The following GALNTL6 variants were observed in gnomAD, a reference collection of about 807,000 sequenced individuals.
The protein encoded by GALNTL6 is polypeptide N-acetylgalactosaminyltransferase-like 6.
In GALNTL6, 46 loss-of-function variants were observed where a neutral mutation model predicts 73.7. The observed-to-expected ratio is 0.62, with a 90% CI of 0.49 to 0.80. The LOEUF (loss-of-function observed/expected upper bound fraction) is 0.80. Ranked by LOEUF, GALNTL6 falls within the 30% of genes least tolerant of loss-of-function variation. The pLI, the probability that GALNTL6 is intolerant of heterozygous loss-of-function variation, is 0.00. For missense variants in GALNTL6, 604 were observed against 755.0 expected, an observed-to-expected ratio of 0.80 and a Z score of 2.34; for synonymous variants, 259 against 263.7, an observed-to-expected ratio of 0.98 and a Z score of 0.17.
chr4:172,283,469 A>G (rs1190044786), intron 3 of GALNTL6, among the ~76,000 whole-genome samples: 2 of 152,186 alleles, frequency 1.3e-5, no homozygotes, highest in Non-Finnish European at 2.9e-5. Flanking sequence ...TGTTGAGACA[A>G]TAATTGTCTT....
chr4:172,106,835 A>G (rs566620617), intron 2 of GALNTL6, among the ~76,000 whole-genome samples: 156 of 152,236 alleles, frequency 1.0e-3, no homozygotes, highest in Non-Finnish European at 1.8e-3. Flanking sequence ...ATATAAGAAT[A>G]TTATTTTGTT....
intron 7 of GALNTL6, among the ~76,000 whole-genome samples, chr4:172,865,524 A>G (rs889656084): frequency 2.0e-5 from 3 of 152,252 alleles, no homozygotes; most frequent in East Asian, 1.9e-4. Flanking sequence ...TTTTATAGTA[A>G]TCAGATAATA....
At chr4:172,408,299 CTTAAT>C (rs1424754288) in intron 5 of GALNTL6, among the ~76,000 whole-genome samples, 1 of 151,932 alleles carries the variant, frequency 6.6e-6, no homozygotes, top group Non-Finnish European at 1.5e-5. Flanking sequence ...TGATTGTATG[CTTAAT>C]TTGTTATTTT....
intron 2 of GALNTL6, among the ~76,000 whole-genome samples, chr4:171,913,574 A>C (rs1198865781): frequency 2.0e-5 from 3 of 152,330 alleles, no homozygotes; most frequent in African/African-American, 7.2e-5. Flanking sequence ...ACCATTTTTC[A>C]TATAAATCTA....
At chr4:172,516,037 A>T (rs1278560824) in intron 5 of GALNTL6, among the ~76,000 whole-genome samples, 4 of 152,210 alleles carry the variant, frequency 2.6e-5, no homozygotes, top group African/African-American at 9.7e-5. Flanking sequence ...TGATAAATTC[A>T]TGAGGACAAA....
intron 2 of GALNTL6, among the ~76,000 whole-genome samples, chr4:172,128,313 C>G (rs980769170): frequency 6.6e-6 from 1 of 151,832 alleles, no homozygotes; most frequent in Non-Finnish European, 1.5e-5. Flanking sequence ...GTATAGGATC[C>G]CTTAAGGAGT....
At chr4:171,832,277 C>A (rs1460413307) in intron 2 of GALNTL6, among the ~76,000 whole-genome samples, 3 of 150,716 alleles carry the variant, frequency 2.0e-5, no homozygotes, top group Non-Finnish European at 4.5e-5. Context: ...GTAATCTGAT[C>A]TATATATGTT....
chr4:171,978,000 C>A (rs1262390422), intron 2 of GALNTL6, among the ~76,000 whole-genome samples: 1 of 152,032 alleles, frequency 6.6e-6, no homozygotes, highest in African/African-American at 2.4e-5. Flanking sequence ...CTCTCATGAG[C>A]ATTTTTCTTG....
rs1736253501 is a variant in GALNTL6 at position 172,559,090 on chromosome 4, A to AGAG, written c.553+210402_553+210404dup. Among the ~76,000 whole-genome samples the AGAG allele has an allele frequency of 1.1e-4, 6 of 53,492 alleles. 1 individual carries two copies. In the South Asian group the frequency reaches 3.3e-3, roughly 29 times the overall value. 35.1% of individuals were successfully genotyped at this position (53,492 alleles called of 152,430 possible). ...TTTTTTTTTTTTTTTTTTTTGAGACAGAGTCTCGCTCTGTCACCCAGGCTG... is the reference window on the plus strand; with the variant it reads ...TTTTTTTTTTTTTTTTTTTTGAGACAGAGGAGTCTCGCTCTGTCACCCAGGCTG... On this transcript the variant is annotated intron_variant, in intron 5 of 12. Coordinates refer to ENST00000506823, the MANE Select transcript of GALNTL6 (RefSeq NM_001034845.3).
chr4:171,819,126 C>T (rs191240882), intron 2 of GALNTL6, among the ~76,000 whole-genome samples: 1 of 152,032 alleles, frequency 6.6e-6, no homozygotes, highest in East Asian at 1.9e-4. Flanking sequence ...CTCAGGATGG[C>T]ACATTATCAA....
chr4:172,180,768 A>G (rs1735216578), intron 2 of GALNTL6, among the ~76,000 whole-genome samples: 1 of 152,036 alleles, frequency 6.6e-6, no homozygotes, highest in African/African-American at 2.4e-5. Context: ...TAGATGTGTG[A>G]CATTACTTCT....
At chr4:172,421,128 A>G (rs895113559) in intron 5 of GALNTL6, among the ~76,000 whole-genome samples, 2 of 152,236 alleles carry the variant, frequency 1.3e-5, no homozygotes, top group Admixed American at 1.3e-4. Context: ...ATAAACCTGT[A>G]CTTTCAGCAC....
At chr4:172,815,402 C>A (rs1321416596) in intron 7 of GALNTL6, among the ~76,000 whole-genome samples, 1 of 152,158 alleles carries the variant, frequency 6.6e-6, no homozygotes, top group Non-Finnish European at 1.5e-5. Flanking sequence ...TGCTGGCCCA[C>A]AGCAGAAGAG....
At chr4:172,914,541 G>T (rs903206194) in intron 8 of GALNTL6, among the ~76,000 whole-genome samples, 5 of 152,150 alleles carry the variant, frequency 3.3e-5, no homozygotes, top group African/African-American at 1.2e-4. Context: ...TCAAAATAAA[G>T]GGATGGAGGA....
chr4:171,926,697 T>C (rs1017942905), intron 2 of GALNTL6, among the ~76,000 whole-genome samples: 47 of 152,148 alleles, frequency 3.1e-4, no homozygotes, highest in African/African-American at 1.1e-3. Flanking sequence ...TGTATTTACT[T>C]TGCGACACAG....
intron 2 of GALNTL6, among the ~76,000 whole-genome samples, chr4:171,965,847 A>C (rs1382625193): frequency 6.6e-6 from 1 of 152,048 alleles, no homozygotes; most frequent in Non-Finnish European, 1.5e-5. Flanking sequence ...GTATTTATTT[A>C]CCCTTTCGTT....
At chr4:172,671,788 G>A (rs566866539) in intron 5 of GALNTL6, among the ~76,000 whole-genome samples, 45 of 152,200 alleles carry the variant, frequency 3.0e-4, no homozygotes, top group African/African-American at 1.0e-3. Flanking sequence ...GTTGGCTGTG[G>A]GTGTGCCATA....
At chr4:172,003,391 C>T (rs935823743) in intron 2 of GALNTL6, among the ~76,000 whole-genome samples, 1 of 151,992 alleles carries the variant, frequency 6.6e-6, no homozygotes, top group East Asian at 1.9e-4. Flanking sequence ...ACAGTTAGAA[C>T]AGAAAAAAAC....
rs143996637 is a variant in GALNTL6, at chr4:172,319,132, A to T, written c.386+7380A>T. 8.0e-4 allele frequency among the ~76,000 whole-genome samples: 122 copies of T among 152,296 alleles called. No individual in the cohort carries two copies. The East Asian group carries it at 0.019, about 23-fold the overall frequency. On this transcript the variant is annotated intron_variant, in intron 4 of 12. Coordinates refer to ENST00000506823, the MANE Select transcript of GALNTL6 (RefSeq NM_001034845.3). ...GATTTTAGGTTGTATATAATAAAGA[A>T]TGAGTCTGTAAGAAAATTCTGCCAT...
Sources: allele counts gnomAD v4.1 joint callset (sites outside exome capture counted in the v4.1 genomes callset), GRCh38; gene constraint gnomAD v4.1.1; transcripts MANE v1.5; gene names NCBI Gene and HGNC (gene_info 2026-07-23, HGNC 2026-07-21).